Variants in ECE1 observed in about 807,000 individuals in gnomAD.
The protein encoded by ECE1 is endothelin converting enzyme 1, also known as endothelin-converting enzyme 1.
A neutral mutation model predicts 98.6 loss-of-function variants in ECE1; 35 were observed. The observed-to-expected ratio is 0.35, with a 90% CI of 0.27 to 0.47. The LOEUF (loss-of-function observed/expected upper bound fraction) is 0.47, where lower values mean the gene tolerates loss of function less well. ECE1 is among the 20% of genes least tolerant of loss of function. The pLI, the probability that ECE1 is intolerant of heterozygous loss-of-function variation, is 1.00. For missense variants in ECE1, 814 were observed against 1,025.3 expected (o/e 0.79, Z 2.81); for synonymous variants, 394 against 407.1 (o/e 0.97, Z 0.39).
chr1:21,227,104 T>A, intron 16 of ECE1, 55 bp downstream of exon 16: 1 of 1,579,086 alleles, frequency 6.3e-7, no homozygotes. Flanking sequence ...GCAATCCTCC[T>A]CTTAAAGCAC....
At chr1:21,241,573 T>G (rs374718412) in intron 10 of ECE1, among the ~76,000 whole-genome samples, 2 of 152,018 alleles carry the variant, frequency 1.3e-5, no homozygotes, top group South Asian at 4.1e-4. Context: ...CAGGTGTGTG[T>G]CACTACACCT....
At chr1:21,330,222 A>T (rs1239261816) in intron 1 of ECE1, among the ~76,000 whole-genome samples, 4 of 131,720 alleles carry the variant, frequency 3.0e-5, no homozygotes, top group African/African-American at 1.1e-4. Flanking sequence ...ATACTCGCCA[A>T]ATACTTTTTT....
At chr1:21,234,637 C>T (rs2098185882) in intron 13 of ECE1, among the ~76,000 whole-genome samples, 1 of 152,050 alleles carries the variant, frequency 6.6e-6, no homozygotes, top group African/African-American at 2.4e-5. Flanking sequence ...TGCCAACATG[C>T]CCAGCTAATC....
At chr1:21,237,792 A>G (rs1417972984) in intron 11 of ECE1, among the ~76,000 whole-genome samples, 4 of 152,076 alleles carry the variant, frequency 2.6e-5, no homozygotes, top group Non-Finnish European at 5.9e-5. Flanking sequence ...TCACCCACAA[A>G]ATAAGAAAAA....
intron 8 of ECE1, among the ~76,000 whole-genome samples, chr1:21,249,706 G>T (rs933711782): frequency 2.0e-5 from 3 of 152,064 alleles, no homozygotes; most frequent in Non-Finnish European, 2.9e-5. Flanking sequence ...ACAGTTCAGG[G>T]GCATTCAGTC....
intron 8 of ECE1, among the ~76,000 whole-genome samples, chr1:21,252,660 G>C (rs879800110): frequency 1.1e-4 from 17 of 152,192 alleles, no homozygotes; most frequent in South Asian, 6.2e-4. Context: ...CTGGGGACTA[G>C]CCTGGAAGCA....
At chr1:21,245,165 C>A in intron 9 of ECE1, 62 bp from the exon 10 acceptor site, 1 of 1,424,300 alleles carries the variant, frequency 7.0e-7, no homozygotes, top group Non-Finnish European at 9.8e-7. Context: ...TGCGGCCCTT[C>A]CCCTGCTGGC....
intron 7 of ECE1, among the ~76,000 whole-genome samples, chr1:21,257,120 C>T (rs919270952): frequency 2.6e-5 from 4 of 152,184 alleles, no homozygotes; most frequent in Non-Finnish European, 4.4e-5. Flanking sequence ...GAGCAGATCA[C>T]TTAGCATCTC....
intron 1 of ECE1, among the ~76,000 whole-genome samples, chr1:21,335,599 G>A (rs930176854): frequency 6.6e-6 from 1 of 152,206 alleles, no homozygotes; most frequent in Non-Finnish European, 1.5e-5. Context: ...ACGGCTGGGG[G>A]CCTACTCTGG....
intron 1 of ECE1, among the ~76,000 whole-genome samples, chr1:21,318,714 T>C (rs141181664): frequency 1.3e-4 from 20 of 151,820 alleles, no homozygotes; most frequent in East Asian, 7.8e-4. Context: ...CACCCCTGAG[T>C]TGGTCACACC....
intron 1 of ECE1, among the ~76,000 whole-genome samples, chr1:21,302,449 G>T (rs1014498222): frequency 6.6e-6 from 1 of 152,222 alleles, no homozygotes; most frequent in Admixed American, 6.5e-5. Context: ...TCAGAACTGG[G>T]TGTGAGGATC....
chr1:21,226,607 G>A (rs2098174556), intron 16 of ECE1, among the ~76,000 whole-genome samples: 1 of 152,160 alleles, frequency 6.6e-6, no homozygotes, highest in Admixed American at 6.5e-5. Flanking sequence ...ATAGTTCACT[G>A]TAGCCTCAAA....
At chr1:21,318,116 A>G (rs2103398429) in intron 1 of ECE1, among the ~76,000 whole-genome samples, 1 of 152,304 alleles carries the variant, frequency 6.6e-6, no homozygotes, top group South Asian at 2.1e-4. Context: ...AACTCAAGTG[A>G]TAGCTGTTGG....
At chr1:21,315,347 A>G (rs371274055) in intron 1 of ECE1, among the ~76,000 whole-genome samples, 3 of 152,214 alleles carry the variant, frequency 2.0e-5, no homozygotes, top group African/African-American at 4.8e-5. Flanking sequence ...CAGTTCCCCA[A>G]TGGATCAACC....
chr1:21,225,225 C>A lies in ECE1; in HGVS notation c.2040+25G>T, dbSNP rs71636966. 4 of 1,612,912 alleles carry A rather than the reference C, an allele frequency of 2.5e-6. No homozygotes were observed. The highest frequency in any genetic ancestry group is 2.2e-5 in the South Asian group (2 of 91,034). ...GGAAGGAGCCAGCACTGGGACCGTGCGCGTGTGGGGAGCGGGGCTCTCACC... is the reference window on the plus strand; with the variant it reads ...GGAAGGAGCCAGCACTGGGACCGTGAGCGTGTGGGGAGCGGGGCTCTCACC... On this transcript the variant is annotated intron_variant, in intron 17 of 18. Transcript: ENST00000374893. The surrounding 1 kb of genome is among the most constrained non-coding windows in gnomAD (Gnocchi z 5.3).
intron 10 of ECE1, among the ~76,000 whole-genome samples, chr1:21,241,429 T>G (rs534614061): frequency 1.1e-3 from 165 of 151,216 alleles, no homozygotes; most frequent in Non-Finnish European, 2.0e-3. Flanking sequence ...AGGTGTTTTT[T>G]TTTTTTTTTT....
intron 1 of ECE1, among the ~76,000 whole-genome samples, chr1:21,313,632 G>A (rs79128934): frequency 0.15 from 22,782 of 152,182 alleles, 2,189 homozygotes; most frequent in Non-Finnish European, 0.21. Flanking sequence ...CAACCTTGGA[G>A]TGGAAAGAAC....
At chr1:21,344,581 C>G (rs190740865) in intron 1 of ECE1, among the ~76,000 whole-genome samples, 1 of 152,302 alleles carries the variant, frequency 6.6e-6, no homozygotes, top group East Asian at 1.9e-4. Flanking sequence ...AGCCCCCCCC[C>G]AGGAAGCCCA....
In ECE1 at chr1:21,307,189, C is replaced by T. The variant is rs923030113; in HGVS notation, c.4-17033G>A. On this transcript the variant is annotated intron_variant, in intron 1 of 18. Transcript: ENST00000415912. The surrounding 1 kb of genome is among the most constrained non-coding windows in gnomAD (Gnocchi z 4.2). ...CCTGTCCACATTACCCCAGCCCGGG[C>T]CCTGTAATGCTGGCTTTAACATTTC... Among the ~76,000 whole-genome samples, 1 of 152,210 alleles carries T rather than the reference C, an allele frequency of 6.6e-6. No homozygotes were observed. Among genetic ancestry groups the T allele is most frequent in the Non-Finnish European group, 1.5e-5 (1 of 68,042 alleles).
Sources: allele counts gnomAD v4.1 joint callset (sites outside exome capture counted in the v4.1 genomes callset), GRCh38; gene constraint gnomAD v4.1.1; non-coding constraint Gnocchi (gnomAD v3.1); transcripts MANE v1.5; gene names NCBI Gene and HGNC (gene_info 2026-07-23, HGNC 2026-07-21).